CHD5: variants seen among roughly 807,000 people sequenced by gnomAD.
CHD5 encodes ATP-dependent chromatin remodeler CHD5.
Under a neutral mutation model 230.3 loss-of-function variants are expected in CHD5, and 69 were observed. The ratio of observed to expected loss-of-function variants is 0.30; its 90% CI spans 0.25 to 0.37. The LOEUF (loss-of-function observed/expected upper bound fraction) is 0.37, where lower values mean the gene tolerates loss of function less well. Among genes scored for constraint, CHD5 ranks in the 10% least tolerant of loss-of-function variants. The pLI is 1.00. For missense variants in CHD5, 1,827 were observed against 2,622.8 expected (o/e 0.70, Z 6.63); for synonymous variants, 1,064 against 1,065.9 (o/e 1.00, Z 0.03).
chr1:6,152,565 C>A (rs1667022933), intron 5 of CHD5, 29 bp from the exon 6 acceptor site: 1 of 1,612,210 alleles, frequency 6.2e-7, no homozygotes, highest in Non-Finnish European at 8.5e-7. Context: ...GATAGCCAAC[C>A]ACTGCCACCA....
chr1:6,124,155 T>C lies in CHD5; in HGVS notation c.4540-48A>G, dbSNP rs760810060. The C allele has an allele frequency of 1.9e-6, 3 of 1,564,548 alleles. No homozygotes were observed. The Admixed American group carries it at 5.5e-5, about 29-fold the overall frequency. The stretch of plus-strand genomic sequence containing the variant: ...GGAAGGGAAAGAGGGAGGGCAGTGG[T>C]GGCAACTCAGCCCTAAGGGCCTCAG... On this transcript the variant is annotated intron_variant, in intron 30 of 41. Coordinates refer to ENST00000262450, the MANE Select transcript of CHD5 (RefSeq NM_015557.3).
intron 1 of CHD5, among the ~76,000 whole-genome samples, chr1:6,174,230 C>T (rs1263378146): frequency 6.6e-6 from 1 of 151,774 alleles, no homozygotes; most frequent in Non-Finnish European, 1.5e-5. Context: ...GATATGGGGA[C>T]AGAGGGAGAG....
In CHD5 at chr1:6,155,364, TC is replaced by T. The variant is rs915836527; in HGVS notation, c.506+234del. On this transcript the variant is annotated intron_variant, in intron 4 of 41. Coordinates refer to ENST00000262450, the MANE Select transcript of CHD5 (RefSeq NM_015557.3). The surrounding 1 kb of genome is among the most constrained non-coding windows in gnomAD (Gnocchi z 4.0). The stretch of plus-strand genomic sequence containing the variant: ...CCCCCAGGAAAGACTGGAACCACCT[TC>T]CCCAAGGGGAAGAGACTCAAGGGCT... Among the ~76,000 whole-genome samples the T allele has an allele frequency of 1.3e-5, 2 of 151,718 alleles. No individual in the cohort carries two copies. Among genetic ancestry groups the T allele is most frequent in the African/African-American group, 4.8e-5 (2 of 41,276 alleles).
intron 1 of CHD5, among the ~76,000 whole-genome samples, chr1:6,173,258 C>T (rs537169084): frequency 6.6e-6 from 1 of 152,130 alleles, no homozygotes; most frequent in East Asian, 1.9e-4. Context: ...GTGTCCGCCA[C>T]CACACCCGGC....
Position 6,126,985 on chromosome 1 carries a change from T to C in CHD5, c.3904-239A>G, listed in dbSNP as rs2100844486. On this transcript the variant is annotated intron_variant, in intron 25 of 41. Transcript: ENST00000262450. The surrounding 1 kb of genome is among the most constrained non-coding windows in gnomAD (Gnocchi z 5.7). ...ATCCATTCACAAAGCAAGTATTTCC[T>C]CGCCTCCTGTCAAGCACTGAGGTAC... 1 of 559,024 alleles carries C rather than the reference T, an allele frequency of 1.8e-6. No individual in the cohort carries two copies. The highest frequency in any genetic ancestry group is 3.0e-5 in the East Asian group (1 of 32,964). 34.6% of individuals were successfully genotyped at this position (559,024 alleles called of 1,614,324 possible).
chr1:6,171,513 C>CG (rs906857812), intron 1 of CHD5, among the ~76,000 whole-genome samples: 31 of 152,208 alleles, frequency 2.0e-4, no homozygotes, highest in African/African-American at 7.0e-4. Context: ...CACTGCCCCC[C>CG]CCAACACCTC....
At chr1:6,174,236 G>C (rs1414696973) in intron 1 of CHD5, among the ~76,000 whole-genome samples, 1 of 152,046 alleles carries the variant, frequency 6.6e-6, no homozygotes, top group African/African-American at 2.4e-5. Context: ...GGGACAGAGG[G>C]AGAGAGAGAG....
At chr1:6,127,959 G>A in intron 25 of CHD5, 87 bp downstream of exon 25, 2 of 1,209,134 alleles carry the variant, frequency 1.7e-6, no homozygotes, top group Admixed American at 4.5e-5. Flanking sequence ...GGAGGGCGGG[G>A]TCACAGTGGA....
chr1:6,133,290 G>A (rs1340077838), intron 20 of CHD5, among the ~76,000 whole-genome samples: 1 of 152,180 alleles, frequency 6.6e-6, no homozygotes, highest in Non-Finnish European at 1.5e-5. Flanking sequence ...GGGGGATGTG[G>A]GTCCATCTCC....
At position 6,130,347 on chromosome 1, in the gene CHD5, C is replaced by G. The variant is rs369643648; in HGVS notation, c.3263-19G>C. On this transcript the variant is annotated intron_variant, in intron 21 of 41. Coordinates refer to ENST00000262450, the MANE Select transcript of CHD5 (RefSeq NM_015557.3). This position sits in a 1 kb window ranked among gnomAD's most constrained non-coding sequence, Gnocchi z 4.9. Reference sequence around the variant, plus strand: ...CCGGGGGCTGAAAAAGAGAGGCCAGCAGATGGGAGTGTTTGGGGGGGTACA... The same window carrying G: ...CCGGGGGCTGAAAAAGAGAGGCCAGGAGATGGGAGTGTTTGGGGGGGTACA... 6.5e-5 allele frequency: 105 copies of G among 1,610,744 alleles called. No individual in the cohort carries two copies. In the African/African-American group the frequency reaches 1.1e-3, roughly 17 times the overall value.
chr1:6,128,388 C>A lies in CHD5; in HGVS notation c.3730+111G>T. ...CGCTGTAACAGCCCCACTCGCCGCC[C>A]ACCTGGCAGTCCCAGGACGCCCAAG... is the stretch of plus-strand genomic sequence containing the variant. On this transcript the variant is annotated intron_variant, in intron 24 of 41. Transcript: ENST00000262450. This position sits in a 1 kb window ranked among gnomAD's most constrained non-coding sequence, Gnocchi z 7.8. The A allele has an allele frequency of 8.9e-7, 1 of 1,126,004 alleles. No individual in the cohort carries two copies. Among genetic ancestry groups the A allele is most frequent in the South Asian group, 1.4e-5 (1 of 72,586 alleles). 69.8% of individuals were successfully genotyped at this position (1,126,004 alleles called of 1,614,324 possible).
rs1399801843 is a variant in CHD5, at chr1:6,134,157, C to G, written c.3115G>C (p.Glu1039Gln). The G allele has an allele frequency of 1.2e-6, 2 of 1,613,708 alleles. No individual in the cohort carries two copies. The highest frequency in any genetic ancestry group is 1.7e-6 in the Non-Finnish European group (2 of 1,179,984). ...LQKMLKKLRD[E>Q]GHRVLIFSQM... ...GAGAAGATGAGCACACGGTGCCCCT[C>G]ATCCCGCAGTTTCTTCAGCATCTTC... is the stretch of plus-strand genomic sequence containing the variant. Residue 1039 changes from glutamate to glutamine, a missense_variant, in exon 20 of 42, where the codon GAG (glutamate) becomes CAG (glutamine). Glu to Gln is a conservative substitution (Grantham distance 29). Coordinates refer to ENST00000262450, the MANE Select transcript of CHD5 (RefSeq NM_015557.3). This position sits in a 1 kb window ranked among gnomAD's most constrained non-coding sequence, Gnocchi z 6.3.
intron 2 of CHD5, among the ~76,000 whole-genome samples, chr1:6,164,568 C>T (rs1407880333): frequency 6.6e-6 from 1 of 152,188 alleles, no homozygotes; most frequent in Non-Finnish European, 1.5e-5. Flanking sequence ...GCCCTGGCCC[C>T]TTCACCCCGT....
rs1666649880 is a variant in CHD5, at chr1:6,131,092, C to T, written c.3262+539G>A. On this transcript the variant is annotated intron_variant, in intron 21 of 41. Transcript: ENST00000262450. The surrounding 1 kb of genome is among the most constrained non-coding windows in gnomAD (Gnocchi z 5.0). ...ATTTGCTGCAAACTTGCTACTGAAG[C>T]TTACAGCCGACTGCTTCCCACTCCA... Among the ~76,000 whole-genome samples, 1 of 152,234 alleles carries T rather than the reference C, an allele frequency of 6.6e-6. No individual in the cohort carries two copies. The highest frequency in any genetic ancestry group is 2.4e-5 in the African/African-American group (1 of 41,454).
intron 1 of CHD5, among the ~76,000 whole-genome samples, chr1:6,173,352 C>T (rs1667369055): frequency 6.6e-6 from 1 of 152,054 alleles, no homozygotes; most frequent in Non-Finnish European, 1.5e-5. Flanking sequence ...GATCCACCCG[C>T]CTCGGCCTCC....
At chr1:6,110,599 AGG>A in intron 36 of CHD5, 73 bp from the exon 37 acceptor site, 1 of 389,058 alleles carries the variant, frequency 2.6e-6, no homozygotes, top group Non-Finnish European at 4.2e-6. Context: ...CAGCTCAGGG[AGG>A]GGGAGGGGCC....
rs990449873 is a variant in CHD5 at position 6,155,837 on chromosome 1, A to G, written c.388-120T>C. 1.2e-4 allele frequency: 88 copies of G among 713,510 alleles called. No homozygotes were observed. The highest frequency in any genetic ancestry group is 7.7e-5 in the Non-Finnish European group (32 of 415,618). 44.2% of individuals were successfully genotyped at this position (713,510 alleles called of 1,614,324 possible). The stretch of plus-strand genomic sequence containing the variant: ...GGAAAGAGGAGGGGTTGTGTCTGCA[A>G]TGTAACCAGACCATTCTCACCCACC... On this transcript the variant is annotated intron_variant, in intron 3 of 41. Coordinates refer to ENST00000262450, the MANE Select transcript of CHD5 (RefSeq NM_015557.3). The surrounding 1 kb of genome is among the most constrained non-coding windows in gnomAD (Gnocchi z 4.0).
intron 1 of CHD5, among the ~76,000 whole-genome samples, chr1:6,178,194 A>C (rs1005090572): frequency 1.7e-4 from 26 of 152,060 alleles, no homozygotes; most frequent in Admixed American, 1.5e-3. Flanking sequence ...CAACCCACCG[A>C]GGGGGAGCAC....
At position 6,128,814 on chromosome 1, in the gene CHD5, C is replaced by T. The variant is rs772358967; in HGVS notation, c.3619+24G>A. ...GCCGGGCCACCCCAGTCCCCTGCCACGCTCCCTCGGAACAGAGGCCCACCC... is the reference window on the plus strand; with the variant it reads ...GCCGGGCCACCCCAGTCCCCTGCCATGCTCCCTCGGAACAGAGGCCCACCC... On this transcript the variant is annotated intron_variant, in intron 23 of 41. Coordinates refer to ENST00000262450, the MANE Select transcript of CHD5 (RefSeq NM_015557.3). The surrounding 1 kb of genome is among the most constrained non-coding windows in gnomAD (Gnocchi z 7.8). 6.9e-6 allele frequency: 11 copies of T among 1,589,908 alleles called. No individual in the cohort carries two copies. Among genetic ancestry groups the T allele is most frequent in the South Asian group, 5.5e-5 (5 of 90,386 alleles).
Sources: allele counts gnomAD v4.1 joint callset (sites outside exome capture counted in the v4.1 genomes callset), GRCh38; gene constraint gnomAD v4.1.1; non-coding constraint Gnocchi (gnomAD v3.1); transcripts MANE v1.5; gene names NCBI Gene and HGNC (gene_info 2026-07-23, HGNC 2026-07-21).